RAP1GAP2: variants seen among roughly 807,000 people sequenced by gnomAD.
RAP1GAP2 encodes the protein rap1 GTPase-activating protein 2.
Under a neutral mutation model 95.0 loss-of-function variants are expected in RAP1GAP2, and 27 were observed. That is an observed-to-expected ratio of 0.28 (90% CI 0.21 to 0.39). The LOEUF is 0.39. RAP1GAP2 is among the 10% of genes least tolerant of loss of function. RAP1GAP2 has a pLI of 1.00. For missense variants in RAP1GAP2, 771 were observed against 970.0 expected, an observed-to-expected ratio of 0.79 and a Z score of 2.72; for synonymous variants, 373 against 380.9, an observed-to-expected ratio of 0.98 and a Z score of 0.24.
intron 8 of RAP1GAP2, among the ~76,000 whole-genome samples, chr17:2,979,465 T>TG (rs2045263770): frequency 7.6e-6 from 1 of 131,910 alleles, no homozygotes; most frequent in Non-Finnish European, 1.6e-5. Context: ...GTTCTGTTTT[T>TG]TTTTTTTTTT....
chr17:2,899,102 G>A (rs1422984230), intron 2 of RAP1GAP2, among the ~76,000 whole-genome samples: 1 of 152,200 alleles, frequency 6.6e-6, no homozygotes, highest in African/African-American at 2.4e-5. Context: ...ACTCGGCACC[G>A]TGCTTCCTAG....
chr17:2,980,220 G>C, intron 8 of RAP1GAP2, 67 bp from the exon 9 acceptor site: 2 of 1,504,928 alleles, frequency 1.3e-6, no homozygotes, highest in Non-Finnish European at 1.8e-6. Context: ...TGAGATGACA[G>C]GCACGAGTCC....
rs147900022 is a variant in RAP1GAP2 at position 2,999,950 on chromosome 17, C to A, written c.1200+1574C>A. ...AAGACATGGTGTGAGCATTTATTTT[C>A]TTTTCTTTTCTTTTTGAGACAGAGT... On this transcript the variant is annotated intron_variant, in intron 14 of 24. Coordinates refer to ENST00000254695, the MANE Select transcript of RAP1GAP2 (RefSeq NM_015085.5). 4.9e-4 allele frequency among the ~76,000 whole-genome samples: 74 copies of A among 152,114 alleles called. No individual in the cohort carries two copies. In the Middle Eastern group the frequency reaches 0.017, roughly 35 times the overall value.
chr17:2,985,984 A>C (rs1024727534), intron 11 of RAP1GAP2, among the ~76,000 whole-genome samples: 4 of 152,114 alleles, frequency 2.6e-5, no homozygotes, highest in African/African-American at 9.7e-5. Flanking sequence ...AAAGTTCCAC[A>C]CCCATTTCAT....
At chr17:2,786,129 G>C (rs2068768079) in intron 1 of RAP1GAP2, among the ~76,000 whole-genome samples, 1 of 152,144 alleles carries the variant, frequency 6.6e-6, no homozygotes, top group African/African-American at 2.4e-5. Flanking sequence ...TCGAACTCCT[G>C]ACCTCAGGTG....
rs1212676493 is a variant in RAP1GAP2, at chr17:2,822,617, G to GTT, written c.80+22075_80+22076dup. Among the ~76,000 whole-genome samples, 227 of 117,698 alleles carry GTT rather than the reference G, an allele frequency of 1.9e-3. 3 individuals carry two copies. The highest frequency in any genetic ancestry group is 3.0e-3 in the Non-Finnish European group (176 of 58,750). The allele number at this position is 117,698 out of a possible 152,430, so 77.2% of individuals were successfully genotyped here. ...TCCGCCTGGAGGACAATAAAACCCTGTTTTTTTTTGTTTTTTTTTTTTTTT... is the reference window on the plus strand; with the variant it reads ...TCCGCCTGGAGGACAATAAAACCCTGTTTTTTTTTTTGTTTTTTTTTTTTTTT... On this transcript the variant is annotated intron_variant, in intron 2 of 24. Transcript: ENST00000254695.
At chr17:2,887,565 G>A (rs371986856) in intron 2 of RAP1GAP2, among the ~76,000 whole-genome samples, 12 of 151,624 alleles carry the variant, frequency 7.9e-5, no homozygotes, top group African/African-American at 2.9e-4. Flanking sequence ...TAGTAGAAAT[G>A]GGTTTCACCA....
intron 2 of RAP1GAP2, among the ~76,000 whole-genome samples, chr17:2,838,104 C>T (rs201286033): frequency 1.1e-4 from 16 of 144,444 alleles, no homozygotes; most frequent in Admixed American, 1.4e-4. Flanking sequence ...CTGCAACCTC[C>T]GCCTCCCAGG....
At chr17:2,923,324 C>CTGTG (rs2042852398) in intron 3 of RAP1GAP2, among the ~76,000 whole-genome samples, 1 of 150,626 alleles carries the variant, frequency 6.6e-6, no homozygotes, top group Non-Finnish European at 1.5e-5. Flanking sequence ...AGGTGTGAGC[C>CTGTG]ACCGCGCCCG....
At chr17:2,900,142 G>A (rs1218128119) in intron 2 of RAP1GAP2, among the ~76,000 whole-genome samples, 3 of 152,180 alleles carry the variant, frequency 2.0e-5, no homozygotes, top group African/African-American at 7.2e-5. Context: ...GGAGAACCCC[G>A]TGTGGAGGGG....
intron 19 of RAP1GAP2, among the ~76,000 whole-genome samples, chr17:3,025,387 C>G (rs2047076070): frequency 6.6e-6 from 1 of 152,156 alleles, no homozygotes; most frequent in Non-Finnish European, 1.5e-5. Context: ...AAAAAAAGTG[C>G]ATTGAGGACA....
At chr17:2,907,679 G>A (rs1174511247) in intron 3 of RAP1GAP2, among the ~76,000 whole-genome samples, 1 of 152,142 alleles carries the variant, frequency 6.6e-6, no homozygotes, top group Non-Finnish European at 1.5e-5. Context: ...GGTGGAGTCC[G>A]AGTGGAGGAG....
intron 3 of RAP1GAP2, among the ~76,000 whole-genome samples, chr17:2,945,154 C>T (rs531431864): frequency 5.9e-5 from 9 of 152,278 alleles, no homozygotes; most frequent in African/African-American, 1.7e-4. Flanking sequence ...GGATTATAGG[C>T]GTGAGCCACC....
intron 1 of RAP1GAP2, among the ~76,000 whole-genome samples, chr17:2,761,717 T>C (rs1300998950): frequency 3.3e-5 from 5 of 152,112 alleles, no homozygotes; most frequent in Non-Finnish European, 7.4e-5. Flanking sequence ...AGTAAAATGG[T>C]GAAGTACAGG....
intron 11 of RAP1GAP2, among the ~76,000 whole-genome samples, chr17:2,989,240 T>C (rs1030310786): frequency 3.3e-5 from 5 of 152,232 alleles, no homozygotes; most frequent in Non-Finnish European, 7.3e-5. Context: ...TATCACCTTA[T>C]GGTTTTAATT....
intron 1 of RAP1GAP2, among the ~76,000 whole-genome samples, chr17:2,756,154 A>G (rs2071138942): frequency 6.6e-6 from 1 of 151,950 alleles, no homozygotes; most frequent in Admixed American, 6.5e-5. Flanking sequence ...TCCTTCTGCC[A>G]CCCGGGGCAG....
intron 13 of RAP1GAP2, among the ~76,000 whole-genome samples, chr17:2,997,939 GAAAA>G (rs68149165): frequency 7.6e-6 from 1 of 131,612 alleles, no homozygotes; most frequent in Non-Finnish European, 1.7e-5. Flanking sequence ...AAAAAAAAAA[GAAAA>G]AAAAAAGATT....
intron 3 of RAP1GAP2, among the ~76,000 whole-genome samples, chr17:2,913,681 CGTAA>C (rs1555567203): frequency 8.5e-5 from 13 of 152,166 alleles, no homozygotes; most frequent in Non-Finnish European, 1.9e-4. Flanking sequence ...CACAGAAATG[CGTAA>C]GTCTTAATTG....
rs1303306380 is a variant in RAP1GAP2 at position 2,897,066 on chromosome 17, C to G, written c.81-8218C>G. ...TAAACGGGTGTCCAGGCCAGGTGCG[C>G]TGGCTCACGCCTATAATCCCAGCGC... On this transcript the variant is annotated intron_variant, in intron 2 of 24. Coordinates refer to ENST00000254695, the MANE Select transcript of RAP1GAP2 (RefSeq NM_015085.5). Among the ~76,000 whole-genome samples the G allele has an allele frequency of 4.2e-4, 64 of 152,348 alleles. 1 individual carries two copies. The highest frequency in any genetic ancestry group is 4.1e-3 in the Admixed American group (62 of 15,308).
Sources: allele counts gnomAD v4.1 joint callset (sites outside exome capture counted in the v4.1 genomes callset), GRCh38; gene constraint gnomAD v4.1.1; transcripts MANE v1.5; gene names NCBI Gene and HGNC (gene_info 2026-07-23, HGNC 2026-07-21).